Variants in ASCC3 observed in about 807,000 individuals in gnomAD.
ASCC3 encodes the protein ASC-1 complex subunit P200.
ASCC3 carries 158 observed loss-of-function variants against 256.3 expected under a neutral mutation model. The ratio of observed to expected loss-of-function variants is 0.62; its 90% CI spans 0.54 to 0.70. The LOEUF is 0.70. Among genes scored for constraint, ASCC3 ranks in the 30% least tolerant of loss-of-function variants. The pLI, the probability that ASCC3 is intolerant of heterozygous loss-of-function variation, is 0.00. For synonymous variants in ASCC3, 948 were observed against 883.4 expected (o/e 1.07, Z -1.30); for missense variants, 2,259 against 2,626.0 (o/e 0.86, Z 3.05).
intron 33 of ASCC3, among the ~76,000 whole-genome samples, chr6:100,602,517 A>T (rs984121187): frequency 6.6e-6 from 1 of 152,064 alleles, no homozygotes; most frequent in African/African-American, 2.4e-5. Flanking sequence ...AGGTAGAGTA[A>T]GAGCAGGCAA....
At chr6:100,727,851 G>C (rs1223316746) in intron 10 of ASCC3, among the ~76,000 whole-genome samples, 1 of 152,066 alleles carries the variant, frequency 6.6e-6, no homozygotes, top group East Asian at 1.9e-4. Context: ...AGACAGAAAA[G>C]TGGCAGTAGG....
At chr6:100,667,925 T>C (rs1417033699) in intron 14 of ASCC3, among the ~76,000 whole-genome samples, 2 of 151,958 alleles carry the variant, frequency 1.3e-5, no homozygotes, top group Non-Finnish European at 2.9e-5. Flanking sequence ...GTAGAACCAA[T>C]GATTTAAAGA....
At chr6:100,528,530 G>A (rs189686625) in intron 37 of ASCC3, among the ~76,000 whole-genome samples, 50 of 152,154 alleles carry the variant, frequency 3.3e-4, no homozygotes, top group African/African-American at 1.1e-3. Context: ...TCTCACATGC[G>A]AAAGAGAAGA....
intron 8 of ASCC3, among the ~76,000 whole-genome samples, chr6:100,775,864 T>C (rs1197959949): frequency 6.6e-6 from 1 of 151,842 alleles, no homozygotes; most frequent in African/African-American, 2.4e-5. Context: ...AAAAAATCAC[T>C]AGAGGGCTCA....
chr6:100,754,661 A>G (rs975156216), intron 10 of ASCC3, among the ~76,000 whole-genome samples: 5 of 152,034 alleles, frequency 3.3e-5, no homozygotes, highest in African/African-American at 7.2e-5. Flanking sequence ...ATGATTTTCA[A>G]TTCAATTGTT....
intron 12 of ASCC3, among the ~76,000 whole-genome samples, chr6:100,715,949 G>A (rs1254495738): frequency 6.6e-6 from 1 of 151,618 alleles, no homozygotes; most frequent in Non-Finnish European, 1.5e-5. Context: ...TAAATGTTGC[G>A]AGAACACTAC....
At chr6:100,582,876 T>C (rs1209398252) in intron 36 of ASCC3, among the ~76,000 whole-genome samples, 1 of 152,234 alleles carries the variant, frequency 6.6e-6, no homozygotes, top group Non-Finnish European at 1.5e-5. Context: ...TTTGTTTATA[T>C]GCTGGATTAC....
At chr6:100,580,598 A>G (rs1771170929) in intron 36 of ASCC3, among the ~76,000 whole-genome samples, 1 of 151,832 alleles carries the variant, frequency 6.6e-6, no homozygotes, top group Non-Finnish European at 1.5e-5. Flanking sequence ...TATTATTATT[A>G]TACTTTAAGT....
chr6:100,836,227 T>C (rs538810969), intron 4 of ASCC3, among the ~76,000 whole-genome samples: 2 of 152,208 alleles, frequency 1.3e-5, no homozygotes, highest in South Asian at 2.1e-4. Context: ...CCTTCCCACA[T>C]TGGATGTCTT....
At chr6:100,528,321 A>T (rs1774692956) in intron 37 of ASCC3, among the ~76,000 whole-genome samples, 1 of 152,250 alleles carries the variant, frequency 6.6e-6, no homozygotes, top group South Asian at 2.1e-4. Context: ...TTTAGGCTAA[A>T]CAACAATCCC....
chr6:100,667,340 T>C (rs886226115), intron 14 of ASCC3, among the ~76,000 whole-genome samples: 1 of 152,126 alleles, frequency 6.6e-6, no homozygotes, highest in Admixed American at 6.6e-5. Context: ...ACAGTGTGTT[T>C]GGAGGGCATT....
intron 32 of ASCC3, among the ~76,000 whole-genome samples, chr6:100,606,057 T>A (rs1052365845): frequency 1.3e-5 from 2 of 151,842 alleles, no homozygotes; most frequent in African/African-American, 2.4e-5. Context: ...AAAATATATA[T>A]ACAAAAATCT....
chr6:100,687,032 T>TCACACA lies in ASCC3; in HGVS notation c.2152-7281_2152-7280insTGTGTG, dbSNP rs1305315395. ...TTAAATCTCTCTCTCTCTCTCTCTC[T>TCACACA]CTCACACACACACACACACACACAC... On this transcript the variant is annotated intron_variant, in intron 13 of 41. Transcript: ENST00000369162. 2.3e-3 allele frequency among the ~76,000 whole-genome samples: 300 copies of TCACACA among 132,166 alleles called. 5 individuals are homozygous for TCACACA. The East Asian group carries it at 0.042, about 19-fold the overall frequency. The allele number at this position is 132,166 out of a possible 152,430, so 86.7% of individuals were successfully genotyped here.
chr6:100,670,632 A>C lies in ASCC3; in HGVS notation c.2287-8096T>G, dbSNP rs113552797. On this transcript the variant is annotated intron_variant, in intron 14 of 41. Transcript: ENST00000369162. ...TGCATGTTCAGAACAGATACAACCA[A>C]CTTTTTTTCCCCCCCAAATTCTTTT... Among the ~76,000 whole-genome samples, 14 of 134,408 alleles carry C rather than the reference A, an allele frequency of 1.0e-4. No homozygotes were observed. The South Asian group carries it at 2.0e-3, about 19-fold the overall frequency. 88.2% of individuals were successfully genotyped at this position (134,408 alleles called of 152,430 possible). A position where few individuals can be genotyped will look rare whatever the true frequency, so the allele number is the denominator to read the frequency against.
Position 100,589,773 on chromosome 6 carries a change from T to A in ASCC3, c.5416-5A>T, listed in dbSNP as rs1471238825. 6.2e-7 allele frequency: 1 copy of A among 1,613,608 alleles called. No individual in the cohort carries two copies. Among genetic ancestry groups the A allele is most frequent in the Non-Finnish European group, 8.5e-7 (1 of 1,179,736 alleles). On this transcript the variant is annotated splice_region_variant and splice_polypyrimidine_tract_variant and intron_variant, in intron 35 of 41. Coordinates refer to ENST00000369162, the MANE Select transcript of ASCC3 (RefSeq NM_006828.4). ...AGGTTCAATGCTGCGATTATCCTAT[T>A]TCAAAAGAATAACAAATGAAGAGTA... is the stretch of plus-strand genomic sequence containing the variant.
intron 8 of ASCC3, among the ~76,000 whole-genome samples, chr6:100,791,851 A>C (rs1011778427): frequency 6.6e-6 from 1 of 151,944 alleles, no homozygotes; most frequent in Non-Finnish European, 1.5e-5. Context: ...ACACAGGAAA[A>C]TTTAGTCCTC....
intron 8 of ASCC3, among the ~76,000 whole-genome samples, chr6:100,775,044 A>G (rs1490601761): frequency 6.6e-6 from 1 of 152,134 alleles, no homozygotes; most frequent in Non-Finnish European, 1.5e-5. Context: ...CACATATGCT[A>G]CACTGAAGGA....
chr6:100,558,785 C>T (rs1201037309), intron 36 of ASCC3, among the ~76,000 whole-genome samples: 1 of 152,088 alleles, frequency 6.6e-6, no homozygotes, highest in Non-Finnish European at 1.5e-5. Flanking sequence ...TTTATCCAGC[C>T]CCTCTTAGAC....
At chr6:100,822,634 A>G (rs1305843594) in intron 4 of ASCC3, among the ~76,000 whole-genome samples, 2 of 152,192 alleles carry the variant, frequency 1.3e-5, no homozygotes, top group Non-Finnish European at 1.5e-5. Context: ...TCTGTGCTTA[A>G]GGTTAAGACC....
Sources: gnomAD v4.1 joint callset for allele counts (sites outside exome capture counted in the v4.1 genomes callset) on GRCh38, gnomAD v4.1.1 for gene constraint, MANE v1.5 for transcripts, NCBI Gene and HGNC (gene_info 2026-07-23, HGNC 2026-07-21) for gene names.